Variants in TMEM131L observed in about 807,000 individuals in gnomAD.
TMEM131L encodes the protein transmembrane 131 like.
Under a neutral mutation model 192.2 loss-of-function variants are expected in TMEM131L, and 54 were observed. The observed-to-expected ratio is 0.28, with a 90% CI of 0.23 to 0.35. TMEM131L has a LOEUF of 0.35. Among genes scored for constraint, TMEM131L ranks in the 10% least tolerant of loss-of-function variants. The pLI, the probability that TMEM131L is intolerant of heterozygous loss-of-function variation, is 1.00. For missense variants in TMEM131L, 1,888 were observed against 1,972.9 expected (o/e 0.96, Z 0.82); for synonymous variants, 701 against 704.9 (o/e 0.99, Z 0.09).
intron 1 of TMEM131L, among the ~76,000 whole-genome samples, chr4:153,466,885 C>T (rs1730790939): frequency 6.6e-6 from 1 of 152,150 alleles, no homozygotes; most frequent in East Asian, 1.9e-4. Context: ...CGAGCCTGGC[C>T]GCCCAGGGTC....
chr4:153,469,783 G>A (rs983409151), intron 2 of TMEM131L, among the ~76,000 whole-genome samples: 1 of 152,058 alleles, frequency 6.6e-6, no homozygotes, highest in Middle Eastern at 3.2e-3. Context: ...AAAATTAGCC[G>A]GGCGTGGTGG....
intron 3 of TMEM131L, among the ~76,000 whole-genome samples, chr4:153,495,995 G>A (rs1032914494): frequency 1.4e-4 from 21 of 152,112 alleles, no homozygotes; most frequent in African/African-American, 3.6e-4. Flanking sequence ...TGTCAGCCCT[G>A]GCCAGAAAAG....
chr4:153,524,161 G>A (rs1220978297), intron 3 of TMEM131L, among the ~76,000 whole-genome samples: 1 of 129,946 alleles, frequency 7.7e-6, no homozygotes, highest in African/African-American at 3.0e-5. Context: ...TCCTGTCTTA[G>A]CTGCAAAGTC....
intron 24 of TMEM131L, 33 bp from the exon 25 acceptor site, chr4:153,603,763 ATTTGCC>A (rs1345735001): frequency 6.5e-7 from 1 of 1,539,970 alleles, no homozygotes; most frequent in Admixed American, 2.1e-5. Flanking sequence ...GTTTGATTTG[ATTTGCC>A]TCTATGCTAA....
At chr4:153,519,225 G>C (rs1247759499) in intron 3 of TMEM131L, among the ~76,000 whole-genome samples, 1 of 152,150 alleles carries the variant, frequency 6.6e-6, no homozygotes, top group Non-Finnish European at 1.5e-5. Flanking sequence ...GGTAGGGAAA[G>C]TTCTCTGGAA....
At chr4:153,548,263 G>C (rs2070949185) in intron 3 of TMEM131L, among the ~76,000 whole-genome samples, 2 of 152,266 alleles carry the variant, frequency 1.3e-5, no homozygotes, top group South Asian at 4.1e-4. Flanking sequence ...ACAAGAATTA[G>C]GCAGATGGAG....
At chr4:153,467,493 C>T (rs950101023) in intron 2 of TMEM131L, among the ~76,000 whole-genome samples, 121 of 152,346 alleles carry the variant, frequency 7.9e-4, no homozygotes, top group African/African-American at 2.9e-3. Flanking sequence ...GCAGGCCGGC[C>T]CCAAGTTCAG....
chr4:153,558,289 C>A lies in TMEM131L; in HGVS notation c.581C>A (p.Thr194Lys). Residue 194 changes from threonine (T) to lysine (K), a missense_variant, in exon 7 of 35, where the codon ACA becomes AAA. Coordinates refer to ENST00000409959, the MANE Select transcript of TMEM131L (RefSeq NM_001131007.2). ...GGAATTGGCACTCGTAGAATCTCTA[C>A]AGAAGGGTCTGCAAAGCAGCTACCA... Reference protein sequence around the residue: ...VSGIGTRRISTEGSAKQLPNA... With the variant: ...VSGIGTRRISKEGSAKQLPNA... 1 of 1,607,806 alleles carries A rather than the reference C, an allele frequency of 6.2e-7. No individual in the cohort carries two copies. Among genetic ancestry groups the A allele is most frequent in the Non-Finnish European group, 8.5e-7 (1 of 1,175,000 alleles).
rs2126838211 is a variant in TMEM131L, at chr4:153,627,607, C to T, written c.4127C>T (p.Thr1376Ile). ...CTCCTTTGCCCTCTTCCCCACAGGACCGTGAATAGTCTCCCACAATACGCA... is the reference window on the plus strand; with the variant it reads ...CTCCTTTGCCCTCTTCCCCACAGGATCGTGAATAGTCTCCCACAATACGCA... ...NLSHNICNPM[T>I]VNSLPQYAEP... Residue 1376 changes from threonine (T) to isoleucine (I), a missense_variant and splice_region_variant, in exon 31 of 35, where the codon ACC becomes ATC. Coordinates refer to ENST00000409959, the MANE Select transcript of TMEM131L (RefSeq NM_001131007.2). The T allele has an allele frequency of 6.2e-7, 1 of 1,613,706 alleles. No individual in the cohort carries two copies. Among genetic ancestry groups the T allele is most frequent in the East Asian group, 2.2e-5 (1 of 44,874 alleles).
rs372170289 is a variant in TMEM131L at position 153,608,053 on chromosome 4, C to A, written c.3418+3623C>A. Among the ~76,000 whole-genome samples the A allele has an allele frequency of 3.9e-5, 6 of 151,992 alleles. No individual in the cohort carries two copies. In the East Asian group the frequency reaches 1.2e-3, roughly 29 times the overall value. On this transcript the variant is annotated intron_variant, in intron 25 of 34. Coordinates refer to ENST00000409959, the MANE Select transcript of TMEM131L (RefSeq NM_001131007.2). ...GGAGAATCACTTGAACCCAGGAGGT[C>A]AAGGCTGCAGTGAGCTGTGATTGTG...
intron 29 of TMEM131L, among the ~76,000 whole-genome samples, chr4:153,625,304 G>A (rs1239160528): frequency 6.6e-6 from 1 of 152,002 alleles, no homozygotes; most frequent in South Asian, 2.1e-4. Flanking sequence ...ACAGCCACTG[G>A]GAGGCTGAGG....
At position 153,623,674 on chromosome 4, in the gene TMEM131L, T is replaced by G. The variant is rs574239646; in HGVS notation, c.4045+591T>G. The stretch of plus-strand genomic sequence containing the variant: ...TTCAATGTTCAAAAACATTGTAGCA[T>G]GTGTCAGCATTTCCTTCCCTTTTAT... On this transcript the variant is annotated intron_variant, in intron 29 of 34. Transcript: ENST00000409959. Among the ~76,000 whole-genome samples the G allele has an allele frequency of 9.6e-4, 146 of 152,386 alleles. 1 individual carries two copies. The highest frequency in any genetic ancestry group is 3.3e-3 in the African/African-American group (139 of 41,586).
At chr4:153,584,503 C>T (rs1028876683) in intron 11 of TMEM131L, among the ~76,000 whole-genome samples, 1 of 152,212 alleles carries the variant, frequency 6.6e-6, no homozygotes, top group Non-Finnish European at 1.5e-5. Flanking sequence ...ATGCAGCCCA[C>T]TTTTTGCTGG....
chr4:153,614,870 A>T (rs944495686), intron 26 of TMEM131L, among the ~76,000 whole-genome samples: 4 of 152,224 alleles, frequency 2.6e-5, no homozygotes, highest in African/African-American at 9.7e-5. Flanking sequence ...ATTTTAGAAG[A>T]GAAAACCATC....
At chr4:153,470,381 G>A (rs1484965817) in intron 2 of TMEM131L, among the ~76,000 whole-genome samples, 1 of 152,132 alleles carries the variant, frequency 6.6e-6, no homozygotes, top group Non-Finnish European at 1.5e-5. Context: ...TGAAAGGTCT[G>A]AATAGTACAG....
intron 3 of TMEM131L, among the ~76,000 whole-genome samples, chr4:153,535,957 C>A (rs544163228): frequency 5.3e-5 from 8 of 152,260 alleles, no homozygotes; most frequent in African/African-American, 1.7e-4. Context: ...CTTCAAAACA[C>A]AATTTTTATT....
At chr4:153,542,660 G>A (rs1736875005) in intron 3 of TMEM131L, among the ~76,000 whole-genome samples, 1 of 152,214 alleles carries the variant, frequency 6.6e-6, no homozygotes, top group Admixed American at 6.5e-5. Flanking sequence ...TTTACTTGCT[G>A]TCATTGTTAC....
intron 1 of TMEM131L, 49 bp from the exon 2 acceptor site, chr4:153,467,162 T>C (rs558171300): frequency 6.5e-7 from 1 of 1,529,620 alleles, no homozygotes; most frequent in African/African-American, 1.4e-5. Flanking sequence ...CAGGAAGCGT[T>C]TCTTTAGCGT....
chr4:153,562,353 C>T (rs557940327), intron 7 of TMEM131L, among the ~76,000 whole-genome samples: 4 of 152,206 alleles, frequency 2.6e-5, no homozygotes, highest in African/African-American at 9.6e-5. Flanking sequence ...TTTTTTAAGG[C>T]TTGCTATACC....
Sources: allele counts gnomAD v4.1 joint callset (sites outside exome capture counted in the v4.1 genomes callset), GRCh38; gene constraint gnomAD v4.1.1; transcripts MANE v1.5; gene names NCBI Gene and HGNC (gene_info 2026-07-23, HGNC 2026-07-21).